Variants in DNAJC13 observed in about 807,000 individuals in gnomAD.
DNAJC13 encodes dnaJ homolog subfamily C member 13.
A neutral mutation model predicts 290.5 loss-of-function variants in DNAJC13; 75 were observed. The observed-to-expected ratio is 0.26, with a 90% confidence interval of 0.21 to 0.31. The LOEUF (loss-of-function observed/expected upper bound fraction) is 0.31, where lower values mean the gene tolerates loss of function less well. Ranked by LOEUF, DNAJC13 falls within the 10% of genes least tolerant of loss-of-function variation. The pLI is 1.00. For missense variants in DNAJC13, 2,260 were observed against 2,674.5 expected, an observed-to-expected ratio of 0.85 and a Z score of 3.42; for synonymous variants, 862 against 892.0, an observed-to-expected ratio of 0.97 and a Z score of 0.60.
intron 38 of DNAJC13, 67 bp from the exon 39 acceptor site, chr3:132,500,727 C>A: frequency 6.3e-7 from 1 of 1,593,948 alleles, no homozygotes; most frequent in Non-Finnish European, 8.6e-7. Flanking sequence ...GGTTTGATTT[C>A]TATGTGTTAA....
chr3:132,462,971 A>G (rs1012912960), intron 16 of DNAJC13, among the ~76,000 whole-genome samples: 1 of 152,226 alleles, frequency 6.6e-6, no homozygotes, highest in African/African-American at 2.4e-5. Context: ...TTGGAGCATG[A>G]TCTTGTCGAA....
At chr3:132,445,039 AT>A (rs1933198172) in intron 2 of DNAJC13, among the ~76,000 whole-genome samples, 1 of 152,132 alleles carries the variant, frequency 6.6e-6, no homozygotes, top group Non-Finnish European at 1.5e-5. Flanking sequence ...TAATATACTG[AT>A]TTTAAAAAAT....
At chr3:132,420,926 C>T (rs1351104147) in intron 1 of DNAJC13, among the ~76,000 whole-genome samples, 2 of 152,118 alleles carry the variant, frequency 1.3e-5, no homozygotes, top group Non-Finnish European at 2.9e-5. Flanking sequence ...GAAAAAAACT[C>T]CCAAGAGAAA....
At chr3:132,437,871 G>A (rs1173148180) in intron 2 of DNAJC13, among the ~76,000 whole-genome samples, 1 of 151,928 alleles carries the variant, frequency 6.6e-6, no homozygotes, top group Admixed American at 6.6e-5. Context: ...CCAGCATGAT[G>A]AAATCCTGTC....
rs1209477937 is a variant in DNAJC13 at position 132,523,613 on chromosome 3, T to A, written c.5960T>A (p.Ile1987Asn). ...ELAVGGVFLR[I>N]FIAQPAWVLR... Reference sequence around the variant, plus strand: ...GCTGTTGGAGGAGTCTTCTTGAGGATCTTTATTGCACAACCAGCCTGGGTT... The same window carrying A: ...GCTGTTGGAGGAGTCTTCTTGAGGAACTTTATTGCACAACCAGCCTGGGTT... Residue 1987 changes from isoleucine to asparagine, a missense_variant, in exon 51 of 56, where the codon ATC becomes AAC. Ile to Asn is a moderately radical substitution (Grantham distance 149, BLOSUM62 -3). This residue lies in a region of DNAJC13 where 1,494 missense variants were observed against 1,693.7 expected (regional missense o/e 0.88). Transcript: ENST00000260818. 1.2e-6 allele frequency: 2 copies of A among 1,613,986 alleles called. No homozygotes were observed. Among genetic ancestry groups the A allele is most frequent in the Non-Finnish European group, 1.7e-6 (2 of 1,180,000 alleles).
At chr3:132,511,529 C>CT (rs1935779150) in intron 44 of DNAJC13, among the ~76,000 whole-genome samples, 1 of 152,088 alleles carries the variant, frequency 6.6e-6, no homozygotes, top group African/African-American at 2.4e-5. Context: ...ACATTGATGT[C>CT]TTAAGTTAAC....
chr3:132,533,056 G>GC (rs1936468954), intron 55 of DNAJC13, among the ~76,000 whole-genome samples: 1 of 89,034 alleles, frequency 1.1e-5, no homozygotes, highest in Non-Finnish European at 2.0e-5. Context: ...ACCACACCTG[G>GC]CTTTTTTTTT....
chr3:132,483,646 G>C, intron 28 of DNAJC13, 69 bp downstream of exon 28: 1 of 1,488,070 alleles, frequency 6.7e-7, no homozygotes, highest in Non-Finnish European at 9.3e-7. Flanking sequence ...GAATCGGTCT[G>C]GTGTTTTAAA....
In DNAJC13 at chr3:132,478,035, C is replaced by T. The variant is rs1934531695; in HGVS notation, c.2604C>T (p.Asn868=). 1 of 1,613,212 alleles carries T rather than the reference C, an allele frequency of 6.2e-7. No homozygotes were observed. The highest frequency in any genetic ancestry group is 1.3e-5 in the African/African-American group (1 of 74,884). The change falls in exon 24 of 56, where the codon AAC becomes AAT. Residue 868 remains asparagine, a synonymous_variant. Coordinates refer to ENST00000260818, the MANE Select transcript of DNAJC13 (RefSeq NM_015268.4). ...GCTTCTTGCTCACCCCAAAAGTAAACATGAAGTGTTTATGTTTACAAGCCC... is the reference window on the plus strand; with the variant it reads ...GCTTCTTGCTCACCCCAAAAGTAAATATGAAGTGTTTATGTTTACAAGCCC... The part of the protein sequence containing the change: ...YHRFLLTPKV[N]MKCLCLQALA...
intron 2 of DNAJC13, among the ~76,000 whole-genome samples, chr3:132,437,124 C>T (rs1939405169): frequency 6.6e-6 from 1 of 152,070 alleles, no homozygotes; most frequent in South Asian, 2.1e-4. Flanking sequence ...AGTAATCCGC[C>T]CGCCTCAGCC....
chr3:132,482,415 T>C, intron 27 of DNAJC13, 85 bp downstream of exon 27: 1 of 1,034,672 alleles, frequency 9.7e-7, no homozygotes, highest in African/African-American at 1.6e-5. Flanking sequence ...GTGGAATGTT[T>C]TAAAGCTGTC....
chr3:132,445,021 C>T (rs150416866), intron 2 of DNAJC13, among the ~76,000 whole-genome samples: 1,966 of 152,114 alleles, frequency 0.013, 46 homozygotes, highest in African/African-American at 0.044. Flanking sequence ...AATACTTTCT[C>T]ATTTTTATAA....
chr3:132,491,203 G>C, intron 32 of DNAJC13, 152 bp downstream of exon 32: 1 of 736,682 alleles, frequency 1.4e-6, no homozygotes, highest in Non-Finnish European at 2.1e-6. Context: ...GATGGATTTT[G>C]ATAAGGCCTT....
intron 16 of DNAJC13, 136 bp from the exon 17 acceptor site, chr3:132,463,558 GAT>G: frequency 1.1e-6 from 1 of 908,802 alleles, no homozygotes; most frequent in South Asian, 2.2e-5. Context: ...TTTTTTGGGT[GAT>G]TAGAAGATGC....
chr3:132,478,787 A>G (rs1160172298), intron 24 of DNAJC13, among the ~76,000 whole-genome samples: 11 of 152,302 alleles, frequency 7.2e-5, no homozygotes, highest in Admixed American at 3.9e-4. Context: ...TTGTCATTTA[A>G]CATTTGAACA....
chr3:132,476,678 TG>T (rs1176639871), intron 22 of DNAJC13, among the ~76,000 whole-genome samples: 2 of 152,340 alleles, frequency 1.3e-5, no homozygotes. Flanking sequence ...TCTCACACTC[TG>T]TTCCAGCCAA....
In DNAJC13 at chr3:132,523,629, A is replaced by G. The variant is rs759437206; in HGVS notation, c.5976A>G (p.Pro1992=). ...GVFLRIFIAQ[P]AWVLRKPREF... ...TCTTGAGGATCTTTATTGCACAACC[A>G]GCCTGGGTTCTAAGAAAGCCTAGAG... Residue 1992 remains proline, a synonymous_variant, in exon 51 of 56, where the codon CCA becomes CCG. Transcript: ENST00000260818. 3 of 1,614,150 alleles carry G rather than the reference A, an allele frequency of 1.9e-6. No homozygotes were observed. In the South Asian group the frequency reaches 3.3e-5, roughly 18 times the overall value.
At chr3:132,475,176 A>G (rs984513638) in intron 22 of DNAJC13, 91 bp downstream of exon 22, 25 of 926,912 alleles carry the variant, frequency 2.7e-5, no homozygotes, top group South Asian at 2.6e-4. Flanking sequence ...TTGTAATTAC[A>G]TATCTGGTCT....
At chr3:132,432,973 A>G (rs1348747924) in intron 1 of DNAJC13, among the ~76,000 whole-genome samples, 1 of 152,192 alleles carries the variant, frequency 6.6e-6, no homozygotes, top group African/African-American at 2.4e-5. Context: ...TTTGAGTGGC[A>G]CTGTTCTGGA....
Sources: allele counts gnomAD v4.1 joint callset (sites outside exome capture counted in the v4.1 genomes callset), GRCh38; gene constraint gnomAD v4.1.1; regional missense constraint gnomAD v4.1.1; transcripts MANE v1.5; gene names NCBI Gene and HGNC (gene_info 2026-07-23, HGNC 2026-07-21).